Variants in MTMR9 observed in about 807,000 individuals in gnomAD.
The protein encoded by MTMR9 is myotubularin related protein 9.
In MTMR9, 39 loss-of-function variants were observed where a neutral mutation model predicts 69.5. The ratio of observed to expected loss-of-function variants is 0.56; its 90% CI spans 0.43 to 0.73. The LOEUF (loss-of-function observed/expected upper bound fraction) is 0.73. Ranked by LOEUF, MTMR9 falls within the 30% of genes least tolerant of loss-of-function variation. MTMR9 has a pLI of 0.00. For missense variants in MTMR9, 900 were observed against 671.2 expected (o/e 1.34, Z -3.77); for synonymous variants, 354 against 240.8 (o/e 1.47, Z -4.35).
intron 6 of MTMR9, among the ~76,000 whole-genome samples, chr8:11,311,559 AC>A (rs1430706787): frequency 6.6e-6 from 1 of 152,252 alleles, no homozygotes; most frequent in Non-Finnish European, 1.5e-5. Context: ...GTCTAAAAAA[AC>A]AATATACATA....
intron 1 of MTMR9, among the ~76,000 whole-genome samples, chr8:11,288,169 A>G (rs1799249328): frequency 7.4e-6 from 1 of 135,650 alleles, no homozygotes; most frequent in Admixed American, 8.1e-5. Context: ...GTGAATAATT[A>G]TTTATTCACC....
the MTMR9 span, among the ~76,000 whole-genome samples, chr8:11,334,255 GTATT>G: frequency 6.6e-6 from 1 of 152,174 alleles, no homozygotes; most frequent in Non-Finnish European, 1.5e-5. Context: ...TAAAAAAACA[GTATT>G]AATGTAATTT....
chr8:11,320,736 GATAAAA>G (rs796260621), intron 9 of MTMR9: 9 of 152,122 alleles, frequency 5.9e-5, no homozygotes, highest in Middle Eastern at 3.4e-3. Flanking sequence ...TTCTCAAAAA[GATAAAA>G]ATAAAGATAA....
intron 2 of MTMR9, among the ~76,000 whole-genome samples, chr8:11,296,498 A>G (rs6988866): frequency 0.014 from 2,115 of 152,242 alleles, 42 homozygotes; most frequent in African/African-American, 0.047. Flanking sequence ...GGACTTTTTC[A>G]TCTTGCAAGA....
rs1800933542 is a variant in MTMR9, at chr8:11,326,462, A to T, written c.*3674A>T. The T allele has an allele frequency of 1.5e-5, 2 of 129,542 alleles. No individual in the cohort carries two copies. The highest frequency in any genetic ancestry group is 6.0e-5 in the African/African-American group (2 of 33,300). 8.0% of individuals were successfully genotyped at this position (129,542 alleles called of 1,614,324 possible). On this transcript the variant is annotated 3_prime_UTR_variant, in exon 10 of 10. Transcript: ENST00000221086. ...AGAATGAAGTCATTCAGTACATCTG[A>T]TAAAGTTTTGTTGTTGTTGTTGTTG...
chr8:11,299,729 G>C (rs1797625040), intron 2 of MTMR9, among the ~76,000 whole-genome samples: 2 of 152,240 alleles, frequency 1.3e-5, no homozygotes, highest in South Asian at 4.1e-4. Flanking sequence ...TTGATGTCGA[G>C]GTGTTATTTC....
chr8:11,331,543 C>T (rs1408705453), downstream of MTMR9: 1 of 1,613,842 alleles, frequency 6.2e-7, no homozygotes, highest in Non-Finnish European at 8.5e-7. Context: ...GCTGTCCTCA[C>T]CCTCTGCCTT....
chr8:11,316,771 G>T lies in MTMR9; in HGVS notation c.1212G>T (p.Val404=). Residue 404 remains valine, a synonymous_variant, in exon 8 of 10, where the codon GTG becomes GTT. Coordinates refer to ENST00000221086, the MANE Select transcript of MTMR9 (RefSeq NM_015458.4). ...APVFLLFLDC[V]WQILRQFPCS... ...TATTTCTTCTCTTCTTGGACTGCGTGTGGCAGATCCTTCGTCAGTTTCCCT... is the reference window on the plus strand; with the variant it reads ...TATTTCTTCTCTTCTTGGACTGCGTTTGGCAGATCCTTCGTCAGTTTCCCT... 1 of 1,613,892 alleles carries T rather than the reference G, an allele frequency of 6.2e-7. No individual in the cohort carries two copies. The highest frequency in any genetic ancestry group is 8.5e-7 in the Non-Finnish European group (1 of 1,179,934).
At chr8:11,334,896 T>A in the MTMR9 span, among the ~76,000 whole-genome samples, 1 of 152,224 alleles carries the variant, frequency 6.6e-6, no homozygotes, top group African/African-American at 2.4e-5. Context: ...CAAAACTTTA[T>A]GCTAAAACTC....
intron 6 of MTMR9, among the ~76,000 whole-genome samples, chr8:11,314,107 T>G (rs193182795): frequency 4.9e-4 from 74 of 152,344 alleles, no homozygotes; most frequent in African/African-American, 1.7e-3. Context: ...TGCCTCGTAT[T>G]AAAGCTCTAT....
At position 11,285,089 on chromosome 8, in the gene MTMR9, C is replaced by A. The variant is rs768001900; in HGVS notation, c.182+19C>A. Reference sequence around the variant, plus strand: ...ACAAGCGGTGAGTGCCCGCCCCACCCCAGCTCCGCAGGGAGCCGGGGGTCC... The same window carrying A: ...ACAAGCGGTGAGTGCCCGCCCCACCACAGCTCCGCAGGGAGCCGGGGGTCC... On this transcript the variant is annotated intron_variant, in intron 1 of 9. Coordinates refer to ENST00000221086, the MANE Select transcript of MTMR9 (RefSeq NM_015458.4). 1 of 1,545,868 alleles carries A rather than the reference C, an allele frequency of 6.5e-7. No homozygotes were observed. Among genetic ancestry groups the A allele is most frequent in the South Asian group, 1.2e-5 (1 of 84,952 alleles).
downstream of MTMR9, among the ~76,000 whole-genome samples, chr8:11,330,170 C>A (rs1334570956): frequency 6.6e-6 from 1 of 151,558 alleles, no homozygotes; most frequent in South Asian, 2.1e-4. Context: ...AGCCCCCGCC[C>A]GGCCAGCCGC....
rs565256830 is a variant in MTMR9, at chr8:11,327,826, A to G, written c.*5038A>G. 6 of 152,718 alleles carry G rather than the reference A, an allele frequency of 3.9e-5. No homozygotes were observed. The highest frequency in any genetic ancestry group is 7.2e-5 in the African/African-American group (3 of 41,570). 9.5% of individuals were successfully genotyped at this position (152,718 alleles called of 1,614,324 possible). On this transcript the variant is annotated 3_prime_UTR_variant, in exon 10 of 10. Transcript: ENST00000221086. ...TGTGAACCTGTGTACGCACACACACATATACATACAGTCTTAGGGAAAAAA... is the reference window on the plus strand; with the variant it reads ...TGTGAACCTGTGTACGCACACACACGTATACATACAGTCTTAGGGAAAAAA...
At chr8:11,285,378 C>T (rs1294087211) in intron 1 of MTMR9, 4 of 270,608 alleles carry the variant, frequency 1.5e-5, no homozygotes, top group African/African-American at 4.4e-5. Context: ...CTTCTTCTTG[C>T]CCCATCGTAT....
chr8:11,333,471 G>C, the MTMR9 span, among the ~76,000 whole-genome samples: 5 of 152,274 alleles, frequency 3.3e-5, no homozygotes, highest in African/African-American at 7.2e-5. Context: ...TAGGGATCTT[G>C]TTACTGCGAG....
At chr8:11,299,558 C>T (rs1223266573) in intron 2 of MTMR9, among the ~76,000 whole-genome samples, 12 of 152,192 alleles carry the variant, frequency 7.9e-5, no homozygotes, top group Non-Finnish European at 1.6e-4. Flanking sequence ...CTGTAGACCT[C>T]TAGGCTGTAT....
intron 5 of MTMR9, 100 bp from the exon 6 acceptor site, chr8:11,309,427 A>G (rs1335246783): frequency 2.1e-6 from 2 of 961,140 alleles, no homozygotes; most frequent in Non-Finnish European, 3.1e-6. Context: ...ATTTTGAACT[A>G]CTTTTGCTCT....
At chr8:11,288,127 C>A (rs1799247793) in intron 1 of MTMR9, among the ~76,000 whole-genome samples, 1 of 129,684 alleles carries the variant, frequency 7.7e-6, no homozygotes, top group African/African-American at 2.9e-5. Context: ...TAATTATTCA[C>A]CTAAATATTC....
intron 7 of MTMR9, chr8:11,316,180 T>TA (rs1166267839): frequency 6.6e-6 from 1 of 152,212 alleles, no homozygotes; most frequent in Non-Finnish European, 1.5e-5. Flanking sequence ...CGTATATAAT[T>TA]AGAGATTTAC....
Sources: gnomAD v4.1 joint callset for allele counts (sites outside exome capture counted in the v4.1 genomes callset) on GRCh38, gnomAD v4.1.1 for gene constraint, MANE v1.5 for transcripts, NCBI Gene and HGNC (gene_info 2026-07-23, HGNC 2026-07-21) for gene names.